The following MORC3 variants were observed in gnomAD, a reference collection of about 807,000 sequenced individuals.
MORC3 encodes the protein MORC family CW-type zinc finger 3.
Under a neutral mutation model 109.1 loss-of-function variants are expected in MORC3, and 31 were observed. The observed-to-expected ratio is 0.28, with a 90% CI of 0.21 to 0.38. The LOEUF (loss-of-function observed/expected upper bound fraction) is 0.38, where lower values mean the gene tolerates loss of function less well. Ranked by LOEUF, MORC3 falls within the 10% of genes least tolerant of loss-of-function variation. The pLI is 1.00. For synonymous variants in MORC3, 395 were observed against 380.7 expected, an observed-to-expected ratio of 1.04 and a Z score of -0.44; for missense variants, 867 against 1,135.8, an observed-to-expected ratio of 0.76 and a Z score of 3.40.
At chr21:36,325,422 C>G (rs1019957830) in intron 1 of MORC3, among the ~76,000 whole-genome samples, 3 of 152,156 alleles carry the variant, frequency 2.0e-5, no homozygotes, top group Non-Finnish European at 4.4e-5. Context: ...GTTCAGTTTG[C>G]TGACTTGCTG....
chr21:36,335,575 C>T (rs1359869173), intron 2 of MORC3, among the ~76,000 whole-genome samples: 1 of 152,126 alleles, frequency 6.6e-6, no homozygotes, highest in Admixed American at 6.6e-5. Context: ...CTCTGCCTCC[C>T]AAACTGCTGG....
intron 8 of MORC3, among the ~76,000 whole-genome samples, chr21:36,346,150 A>C (rs1181856593): frequency 6.6e-6 from 1 of 152,144 alleles, no homozygotes; most frequent in African/African-American, 2.4e-5. Flanking sequence ...CCTCCCAAGT[A>C]GCTGGGACTA....
At chr21:36,348,441 C>G (rs1309146290) in intron 8 of MORC3, among the ~76,000 whole-genome samples, 1 of 152,142 alleles carries the variant, frequency 6.6e-6, no homozygotes, top group African/African-American at 2.4e-5. Context: ...GAGTTTTACT[C>G]TTGTTGCCCA....
chr21:36,329,540 A>G (rs2085289974), intron 1 of MORC3, among the ~76,000 whole-genome samples: 3 of 152,294 alleles, frequency 2.0e-5, no homozygotes, highest in Admixed American at 1.3e-4. Flanking sequence ...TAGTTGACTA[A>G]TTTCTCCTTG....
chr21:36,328,919 AAG>A (rs1491339397), intron 1 of MORC3, among the ~76,000 whole-genome samples: 4 of 150,908 alleles, frequency 2.7e-5, no homozygotes, highest in African/African-American at 4.9e-5. Context: ...AAAAAAAAAA[AAG>A]AAAAAGAAAT....
In MORC3 at chr21:36,320,199, A is replaced by G. The variant is rs1014921029; in HGVS notation, c.-66A>G. On this transcript the variant is annotated 5_prime_UTR_variant, in exon 1 of 17. Coordinates refer to ENST00000400485, the MANE Select transcript of MORC3 (RefSeq NM_015358.3). ...GTGGGCGGTACCCATAGGGCTCCAC[A>G]GTCGTTCCGCCACCTCCCAGTCGGG... The G allele has an allele frequency of 3.9e-6, 6 of 1,546,606 alleles. No homozygotes were observed. The highest frequency in any genetic ancestry group is 5.3e-6 in the Non-Finnish European group (6 of 1,142,648).
At chr21:36,361,673 G>A (rs144723557) in intron 12 of MORC3, 4,024 of 163,432 alleles carry the variant, frequency 0.025, 167 homozygotes, top group African/African-American at 0.089. Flanking sequence ...GATCACCTGA[G>A]GTCAGGAGTT....
At chr21:36,335,856 A>G (rs999196614) in intron 2 of MORC3, among the ~76,000 whole-genome samples, 3 of 152,130 alleles carry the variant, frequency 2.0e-5, no homozygotes, top group Non-Finnish European at 2.9e-5. Flanking sequence ...TTTATTGATT[A>G]TTGTGTACCT....
chr21:36,344,765 C>G, intron 7 of MORC3, 58 bp downstream of exon 7: 2 of 1,599,070 alleles, frequency 1.3e-6, no homozygotes, highest in Admixed American at 1.7e-5. Context: ...CTCTTTTGCC[C>G]CTTTCCCCTT....
intron 1 of MORC3, among the ~76,000 whole-genome samples, chr21:36,325,112 G>T (rs1272092493): frequency 6.6e-6 from 1 of 152,160 alleles, no homozygotes; most frequent in East Asian, 1.9e-4. Flanking sequence ...TGATCACATA[G>T]GAAGGAGTCA....
chr21:36,361,872 C>A, intron 12 of MORC3: 1 of 317,766 alleles, frequency 3.1e-6, no homozygotes, highest in East Asian at 8.1e-5. Context: ...GGGCAAGACT[C>A]CCTCTCAAAA....
chr21:36,332,484 C>T (rs955310068), intron 1 of MORC3, among the ~76,000 whole-genome samples: 1 of 152,118 alleles, frequency 6.6e-6, no homozygotes, highest in Non-Finnish European at 1.5e-5. Flanking sequence ...TCTAAGCACT[C>T]TGGCCTGCAA....
intron 1 of MORC3, among the ~76,000 whole-genome samples, chr21:36,332,790 CTTT>C (rs71197001): frequency 2.9e-5 from 4 of 139,862 alleles, no homozygotes; most frequent in Non-Finnish European, 3.1e-5. Context: ...GGAACTCTTT[CTTT>C]TTTTTTTTTT....
intron 1 of MORC3, among the ~76,000 whole-genome samples, chr21:36,329,906 A>G (rs2085295502): frequency 6.6e-6 from 1 of 150,390 alleles, no homozygotes; most frequent in South Asian, 2.1e-4. Flanking sequence ...CTTGTTGCCC[A>G]GATTGGAGTG....
Position 36,336,988 on chromosome 21 carries a change from A to T in MORC3, c.227A>T (p.Lys76Ile). The change falls in exon 3 of 17, where the codon AAA becomes ATA. Residue 76 changes from lysine to isoleucine, a missense_variant. Around this residue, in one of 7 missense-constraint regions of MORC3, gnomAD observed 53 missense variants for 130.3 expected, o/e 0.41. Transcript: ENST00000400485. Reference sequence around the variant, plus strand: ...AATGGGAATGGTATGACTTCTGATAAATTACATAAAATGCTAAGGTAGGTA... The same window carrying T: ...AATGGGAATGGTATGACTTCTGATATATTACATAAAATGCTAAGGTAGGTA... ...TDNGNGMTSDKLHKMLSFGFS... is the reference protein window; with the variant it reads ...TDNGNGMTSDILHKMLSFGFS... 6.2e-7 allele frequency: 1 copy of T among 1,610,904 alleles called. No individual in the cohort carries two copies. Among genetic ancestry groups the T allele is most frequent in the Non-Finnish European group, 8.5e-7 (1 of 1,179,098 alleles).
intron 2 of MORC3, 35 bp downstream of exon 2, chr21:36,333,753 C>A: frequency 1.4e-6 from 2 of 1,394,876 alleles, no homozygotes; most frequent in Non-Finnish European, 2.0e-6. Flanking sequence ...CCATTTGTTG[C>A]TTACAATTGT....
chr21:36,347,428 G>T (rs767887068), intron 8 of MORC3, among the ~76,000 whole-genome samples: 1 of 152,100 alleles, frequency 6.6e-6, no homozygotes, highest in Non-Finnish European at 1.5e-5. Flanking sequence ...AGTTAAATTT[G>T]TACTGTACAT....
chr21:36,358,020 C>T (rs914671917), intron 10 of MORC3, among the ~76,000 whole-genome samples: 1 of 151,752 alleles, frequency 6.6e-6, no homozygotes, highest in African/African-American at 2.4e-5. Context: ...GGATTACAGG[C>T]GTGAGCCACC....
At chr21:36,358,161 G>T (rs1281454390) in intron 10 of MORC3, among the ~76,000 whole-genome samples, 1 of 152,012 alleles carries the variant, frequency 6.6e-6, no homozygotes, top group Admixed American at 6.6e-5. Flanking sequence ...GAGGCGGGCG[G>T]ATCACTTGAG....
Sources: gnomAD v4.1 joint callset for allele counts (sites outside exome capture counted in the v4.1 genomes callset) on GRCh38, gnomAD v4.1.1 for gene constraint, gnomAD v4.1.1 regional missense constraint, MANE v1.5 for transcripts, NCBI Gene and HGNC (gene_info 2026-07-23, HGNC 2026-07-21) for gene names.